Variants in SSX2IP observed in about 807,000 individuals in gnomAD.
SSX2IP encodes the protein afadin- and alpha-actinin-binding protein.
In SSX2IP, 55 loss-of-function variants were observed where a neutral mutation model predicts 84.9. That is an observed-to-expected ratio of 0.65 (90% confidence interval 0.52 to 0.81). The LOEUF (loss-of-function observed/expected upper bound fraction) is 0.81. SSX2IP is among the 30% of genes least tolerant of loss of function. SSX2IP has a pLI of 0.00. For synonymous variants in SSX2IP, 239 were observed against 234.7 expected, an observed-to-expected ratio of 1.02 and a Z score of -0.17; for missense variants, 664 against 705.2, an observed-to-expected ratio of 0.94 and a Z score of 0.66.
At chr1:84,650,889 T>C (rs1271977713) in intron 12 of SSX2IP, among the ~76,000 whole-genome samples, 1 of 152,118 alleles carries the variant, frequency 6.6e-6, no homozygotes, top group Admixed American at 6.5e-5. Flanking sequence ...GTATTTTTAG[T>C]ACAGACGGGG....
At position 84,646,847 on chromosome 1, in the gene SSX2IP, C is replaced by G. The variant is rs1259651543; in HGVS notation, c.*586G>C. On this transcript the variant is annotated 3_prime_UTR_variant, in exon 14 of 14. Transcript: ENST00000342203. Reference sequence around the variant, plus strand: ...TAATACATCTGTAAACAGAATACCACTAAAAAAATTTTACTGGCATGAAAT... The same window carrying G: ...TAATACATCTGTAAACAGAATACCAGTAAAAAAATTTTACTGGCATGAAAT... The G allele has an allele frequency of 6.6e-6, 1 of 152,500 alleles. No homozygotes were observed. Among genetic ancestry groups the G allele is most frequent in the Non-Finnish European group, 1.5e-5 (1 of 67,978 alleles). The allele number at this position is 152,500 out of a possible 1,614,324, so 9.4% of individuals were successfully genotyped here. A position where few individuals can be genotyped will look rare whatever the true frequency, so the allele number is the denominator to read the frequency against.
chr1:84,664,474 T>C lies in SSX2IP; in HGVS notation c.616A>G (p.Asn206Asp). Residue 206 changes from asparagine to aspartate, a missense_variant, in exon 6 of 14, where the codon AAT becomes GAT. By Grantham distance (23) the Asn-to-Asp change is conservative. Coordinates refer to ENST00000342203, the MANE Select transcript of SSX2IP (RefSeq NM_001166293.2). Reference sequence around the variant, plus strand: ...TGATGTAGACGTTCCTTCAGTTTATTATATTCACGCTCTTTTCTCTTCATA... The same window carrying C: ...TGATGTAGACGTTCCTTCAGTTTATCATATTCACGCTCTTTTCTCTTCATA... Reference protein sequence around the residue: ...HDMKRKEREYNKLKERLHQLV... With the variant: ...HDMKRKEREYDKLKERLHQLV... 1 of 1,604,326 alleles carries C rather than the reference T, an allele frequency of 6.2e-7. No individual in the cohort carries two copies. The highest frequency in any genetic ancestry group is 8.5e-7 in the Non-Finnish European group (1 of 1,176,570).
chr1:84,677,370 T>C (rs1169761985), intron 1 of SSX2IP, among the ~76,000 whole-genome samples: 2 of 152,178 alleles, frequency 1.3e-5, no homozygotes, highest in Non-Finnish European at 2.9e-5. Context: ...GTTAATCACA[T>C]CTGTTTTTTC....
chr1:84,677,549 A>G (rs774208645), intron 1 of SSX2IP, among the ~76,000 whole-genome samples: 17 of 152,134 alleles, frequency 1.1e-4, no homozygotes, highest in Admixed American at 5.9e-4. Context: ...CTGTTCCTTG[A>G]GTATGGGCTA....
At chr1:84,662,085 T>C in intron 8 of SSX2IP, 113 bp downstream of exon 8, 2 of 674,266 alleles carry the variant, frequency 3.0e-6, no homozygotes, top group South Asian at 4.3e-5. Flanking sequence ...GCATAGCAGT[T>C]GAGTGTCCTA....
At chr1:84,668,968 A>G (rs1653139197) in intron 4 of SSX2IP, among the ~76,000 whole-genome samples, 1 of 152,110 alleles carries the variant, frequency 6.6e-6, no homozygotes, top group Non-Finnish European at 1.5e-5. Flanking sequence ...ATTGATTTAT[A>G]TTATACCCTT....
intron 1 of SSX2IP, among the ~76,000 whole-genome samples, chr1:84,681,940 C>T (rs1175869946): frequency 6.6e-6 from 1 of 152,172 alleles, no homozygotes; most frequent in Non-Finnish European, 1.5e-5. Context: ...TACTGGCAGA[C>T]CTGGCAAAAG....
rs1395990374 is a variant in SSX2IP, at chr1:84,645,943, T to C, written c.*1490A>G. ...GTCTCATAAGACACTCTTAATGATA[T>C]CCTATCAGCCCTGAAAAAATGGCTG... On this transcript the variant is annotated 3_prime_UTR_variant, in exon 14 of 14. Coordinates refer to ENST00000342203, the MANE Select transcript of SSX2IP (RefSeq NM_001166293.2). 6.6e-6 allele frequency: 1 copy of C among 152,174 alleles called. No homozygotes were observed. Among genetic ancestry groups the C allele is most frequent in the Non-Finnish European group, 1.5e-5 (1 of 68,038 alleles). 9.4% of individuals were successfully genotyped at this position (152,174 alleles called of 1,614,324 possible).
At chr1:84,650,305 C>G in intron 13 of SSX2IP, 57 bp downstream of exon 13, 1 of 1,561,504 alleles carries the variant, frequency 6.4e-7, no homozygotes, top group South Asian at 1.1e-5. Flanking sequence ...TTTCCCTTAG[C>G]AGTGCAACTT....
intron 1 of SSX2IP, among the ~76,000 whole-genome samples, chr1:84,686,452 T>C (rs779633990): frequency 6.6e-6 from 1 of 152,092 alleles, no homozygotes; most frequent in Non-Finnish European, 1.5e-5. Context: ...AACAGAGGAG[T>C]AAAGTTAGTA....
Position 84,667,330 on chromosome 1 carries a change from T to C in SSX2IP, c.427-1098A>G, listed in dbSNP as rs555176677. Reference sequence around the variant, plus strand: ...CATGACCCCTAGTCTCCAAATTCAATTTTTCATAAAATCCTACCCATTCTA... The same window carrying C: ...CATGACCCCTAGTCTCCAAATTCAACTTTTCATAAAATCCTACCCATTCTA... On this transcript the variant is annotated intron_variant, in intron 4 of 13. Transcript: ENST00000342203. Among the ~76,000 whole-genome samples, 8 of 152,220 alleles carry C rather than the reference T, an allele frequency of 5.3e-5. No homozygotes were observed. The South Asian group carries it at 1.7e-3, about 32-fold the overall frequency.
At chr1:84,661,343 C>T (rs1164309073) in intron 8 of SSX2IP, among the ~76,000 whole-genome samples, 1 of 151,814 alleles carries the variant, frequency 6.6e-6, no homozygotes, top group Non-Finnish European at 1.5e-5. Flanking sequence ...ATGAACTTTT[C>T]ACCATTATGT....
At chr1:84,662,699 G>A (rs917285764) in intron 6 of SSX2IP, among the ~76,000 whole-genome samples, 169 bp from the exon 7 acceptor site, 1 of 152,116 alleles carries the variant, frequency 6.6e-6, no homozygotes, top group East Asian at 1.9e-4. Flanking sequence ...TGTAAGCAAT[G>A]AGATCTCGGC....
intron 11 of SSX2IP, 43 bp from the exon 12 acceptor site, chr1:84,652,040 TCC>T (rs1557467091): frequency 7.1e-7 from 1 of 1,415,244 alleles, no homozygotes; most frequent in Admixed American, 1.7e-5. Flanking sequence ...TATTTCAACA[TCC>T]ACACAGTTGC....
At chr1:84,681,791 C>T (rs535989694) in intron 1 of SSX2IP, among the ~76,000 whole-genome samples, 13 of 152,274 alleles carry the variant, frequency 8.5e-5, no homozygotes, top group East Asian at 3.9e-4. Context: ...CACATATGTA[C>T]GCATACCCAT....
intron 1 of SSX2IP, 110 bp downstream of exon 1, chr1:84,690,261 G>C (rs1656433142): frequency 1.3e-5 from 2 of 151,892 alleles, no homozygotes; most frequent in Admixed American, 1.3e-4. Context: ...CGCTGAGCCA[G>C]GTGCCGGCTC....
At chr1:84,689,869 G>C (rs1656341766) in intron 1 of SSX2IP, among the ~76,000 whole-genome samples, 1 of 152,226 alleles carries the variant, frequency 6.6e-6, no homozygotes, top group Admixed American at 6.5e-5. Flanking sequence ...CACTATCGGG[G>C]TTCTCTTCCA....
chr1:84,670,819 A>G lies in SSX2IP; in HGVS notation c.44-4T>C, dbSNP rs1383577977. The G allele has an allele frequency of 1.3e-6, 2 of 1,598,456 alleles. No individual in the cohort carries two copies. Among genetic ancestry groups the G allele is most frequent in the African/African-American group, 1.3e-5 (1 of 74,216 alleles). On this transcript the variant is annotated splice_polypyrimidine_tract_variant and splice_region_variant and intron_variant, in intron 2 of 13. Transcript: ENST00000342203. ...TATTGAGAGATAGTTTTGCTTTCTG[A>G]AAGAATAAAAGGCATCTATATAAAT... is the stretch of plus-strand genomic sequence containing the variant.
At chr1:84,656,837 C>A (rs944993129) in intron 9 of SSX2IP, among the ~76,000 whole-genome samples, 10 of 152,076 alleles carry the variant, frequency 6.6e-5, no homozygotes, top group Non-Finnish European at 1.3e-4. Context: ...TAATTAAAAA[C>A]AGACAAAATG....
Sources: allele counts gnomAD v4.1 joint callset (sites outside exome capture counted in the v4.1 genomes callset), GRCh38; gene constraint gnomAD v4.1.1; transcripts MANE v1.5; gene names NCBI Gene and HGNC (gene_info 2026-07-23, HGNC 2026-07-21).